PARP8: variants seen among roughly 807,000 people sequenced by gnomAD.
PARP8 encodes protein mono-ADP-ribosyltransferase PARP8.
In PARP8, 51 loss-of-function variants were observed where a neutral mutation model predicts 124.1. The observed-to-expected ratio is 0.41, with a 90% confidence interval of 0.33 to 0.52. The LOEUF is 0.52. Ranked by LOEUF, PARP8 falls within the 20% of genes least tolerant of loss-of-function variation. The probability of loss-of-function intolerance (pLI) is 0.21; values close to 1 mark genes in which losing one functional copy is unlikely to be tolerated. For synonymous variants in PARP8, 391 were observed against 361.5 expected, an observed-to-expected ratio of 1.08 and a Z score of -0.93; for missense variants, 860 against 1,018.9, an observed-to-expected ratio of 0.84 and a Z score of 2.12.
intron 2 of PARP8, among the ~76,000 whole-genome samples, chr5:50,725,852 A>G (rs530193722): frequency 6.6e-6 from 1 of 152,248 alleles, no homozygotes; most frequent in Admixed American, 6.5e-5. Flanking sequence ...TGACACTGCT[A>G]ATGTTGGCAT....
intron 2 of PARP8, among the ~76,000 whole-genome samples, chr5:50,688,796 G>A (rs1188274599): frequency 6.6e-6 from 1 of 152,170 alleles, no homozygotes; most frequent in Non-Finnish European, 1.5e-5. Context: ...CCTATGATGA[G>A]TGGTTATGTA....
At chr5:50,747,163 G>GTTTTTTTTTTTTTTTTTTTTTTTTTTT (rs1211253892) in intron 2 of PARP8, among the ~76,000 whole-genome samples, 26 of 95,504 alleles carry the variant, frequency 2.7e-4, no homozygotes, top group East Asian at 6.3e-4. Flanking sequence ...TGTTTGTTTT[G>GTTTTTTTTTTTTTTTTTTTTTTTTTTT]TTTTTTTTTT....
At chr5:50,834,091 C>T (rs370551495) in intron 24 of PARP8, 43 bp downstream of exon 24, 2 of 1,418,582 alleles carry the variant, frequency 1.4e-6, no homozygotes, top group East Asian at 4.6e-5. Context: ...TAGTTCCTAG[C>T]TCATCTATAA....
intron 2 of PARP8, among the ~76,000 whole-genome samples, chr5:50,734,785 T>C (rs1478867941): frequency 6.6e-6 from 1 of 152,112 alleles, no homozygotes; most frequent in Non-Finnish European, 1.5e-5. Flanking sequence ...TTTTTAGACA[T>C]AGAGAAGTGA....
chr5:50,820,326 C>T (rs1297222287), intron 15 of PARP8, among the ~76,000 whole-genome samples: 1 of 152,190 alleles, frequency 6.6e-6, no homozygotes, highest in Non-Finnish European at 1.5e-5. Flanking sequence ...ATATATGCTT[C>T]CTTATTAAGT....
intron 2 of PARP8, among the ~76,000 whole-genome samples, chr5:50,718,109 G>C (rs541421884): frequency 1.3e-5 from 2 of 152,004 alleles, no homozygotes; most frequent in African/African-American, 4.8e-5. Flanking sequence ...CAGTATGTTT[G>C]GAAGCTAATG....
At chr5:50,716,753 C>T in intron 2 of PARP8, among the ~76,000 whole-genome samples, 1 of 152,150 alleles carries the variant, frequency 6.6e-6, no homozygotes, top group Non-Finnish European at 1.5e-5. Flanking sequence ...TTAATCTGCT[C>T]ATCAAAGGGT....
At chr5:50,666,544 A>C (rs1749296582), upstream of PARP8, 1 of 150,502 alleles carries the variant, frequency 6.6e-6, no homozygotes, top group Non-Finnish European at 1.5e-5. Context: ...CGGGGTGACT[A>C]GGCGGCGGGC....
intron 25 of PARP8, among the ~76,000 whole-genome samples, 159 bp downstream of exon 25, chr5:50,835,174 A>G (rs764962727): frequency 2.8e-4 from 42 of 152,212 alleles, no homozygotes; most frequent in Non-Finnish European, 5.3e-4. Flanking sequence ...AGCCATTAAA[A>G]AAATCTAAAT....
chr5:50,674,878 G>T (rs1238667254), intron 2 of PARP8, among the ~76,000 whole-genome samples: 1 of 152,226 alleles, frequency 6.6e-6, no homozygotes, highest in Non-Finnish European at 1.5e-5. Context: ...TTACGCATAG[G>T]AGGATAGAGT....
At position 50,797,082 on chromosome 5, in the gene PARP8, G is replaced by C. The variant is rs758965224; in HGVS notation, c.1479+50G>C. The C allele has an allele frequency of 3.1e-6, 5 of 1,608,940 alleles. No individual in the cohort carries two copies. In the East Asian group the frequency reaches 1.1e-4, roughly 36 times the overall value. On this transcript the variant is annotated intron_variant, in intron 13 of 25. Coordinates refer to ENST00000281631, the MANE Select transcript of PARP8 (RefSeq NM_024615.4). ...GTACAAATATTTTAGTTCTTACGGG[G>C]TTTTTAAATCATTTATGAGCTTGTC...
At chr5:50,747,027 C>G (rs560315972) in intron 2 of PARP8, among the ~76,000 whole-genome samples, 9 of 151,746 alleles carry the variant, frequency 5.9e-5, no homozygotes, top group Non-Finnish European at 1.3e-4. Context: ...GACCTCATCT[C>G]TAAAAAAAAT....
chr5:50,828,808 C>G (rs1042095005), intron 21 of PARP8, among the ~76,000 whole-genome samples: 3 of 151,144 alleles, frequency 2.0e-5, no homozygotes, highest in Non-Finnish European at 4.4e-5. Flanking sequence ...TAATTTGAAC[C>G]CGGGAGGTGA....
chr5:50,789,832 TA>T (rs1741746871), intron 10 of PARP8, among the ~76,000 whole-genome samples: 1 of 152,194 alleles, frequency 6.6e-6, no homozygotes, highest in African/African-American at 2.4e-5. Flanking sequence ...TGATGCAGTC[TA>T]TATGATCACT....
chr5:50,739,432 G>T (rs1757799958), intron 2 of PARP8, among the ~76,000 whole-genome samples: 1 of 151,754 alleles, frequency 6.6e-6, no homozygotes, highest in African/African-American at 2.4e-5. Context: ...TCATTTTTTT[G>T]ATCATCTCCT....
At chr5:50,707,046 G>A (rs1472560630) in intron 2 of PARP8, among the ~76,000 whole-genome samples, 6 of 152,038 alleles carry the variant, frequency 3.9e-5, no homozygotes. Context: ...ATAGTCTTAA[G>A]TGTTAGATTT....
At chr5:50,828,106 A>T (rs776705599) in intron 20 of PARP8, 50 bp downstream of exon 20, 1 of 1,356,494 alleles carries the variant, frequency 7.4e-7, no homozygotes, top group Non-Finnish European at 1.1e-6. Flanking sequence ...AACATTTTCC[A>T]GAAATGTATG....
intron 15 of PARP8, among the ~76,000 whole-genome samples, chr5:50,820,802 T>C (rs1301259794): frequency 6.6e-6 from 1 of 152,232 alleles, no homozygotes; most frequent in African/African-American, 2.4e-5. Context: ...AGTGCCTACT[T>C]TATTTTTTTA....
Position 50,827,700 on chromosome 5 carries a change from G to A in PARP8, c.1978-244G>A, listed in dbSNP as rs79368229. Among the ~76,000 whole-genome samples the A allele has an allele frequency of 5.5e-3, 843 of 152,252 alleles. 6 individuals carry two copies. The highest frequency in any genetic ancestry group is 0.019 in the African/African-American group (790 of 41,552). ...AGCTAAATATAAATGGCTTTGGATT[G>A]TCTGTTTCCTATTCCTTTCCCATTT... On this transcript the variant is annotated intron_variant, in intron 19 of 25. Coordinates refer to ENST00000281631, the MANE Select transcript of PARP8 (RefSeq NM_024615.4).
Sources: allele counts gnomAD v4.1 joint callset (sites outside exome capture counted in the v4.1 genomes callset), GRCh38; gene constraint gnomAD v4.1.1; transcripts MANE v1.5; gene names NCBI Gene and HGNC (gene_info 2026-07-23, HGNC 2026-07-21).